PCIF1: variants seen among roughly 807,000 people sequenced by gnomAD.
PCIF1 encodes phosphorylated CTD interacting factor 1, also known as mRNA (2'-O-methyladenosine-N(6)-)-methyltransferase.
In PCIF1, 12 loss-of-function variants were observed where a neutral mutation model predicts 86.9. The ratio of observed to expected loss-of-function variants is 0.14; its 90% CI spans 0.09 to 0.22. The LOEUF (loss-of-function observed/expected upper bound fraction) is 0.22. Ranked by LOEUF, PCIF1 falls within the 10% of genes least tolerant of loss-of-function variation. PCIF1 has a pLI of 1.00. For synonymous variants in PCIF1, 397 were observed against 372.0 expected (o/e 1.07, Z -0.77); for missense variants, 701 against 951.1 (o/e 0.74, Z 3.46).
chr20:45,941,244 C>T (rs1436899114), intron 7 of PCIF1, 37 bp downstream of exon 7: 2 of 1,558,204 alleles, frequency 1.3e-6, no homozygotes, highest in South Asian at 1.2e-5. Flanking sequence ...TTTATTTCCA[C>T]CCACCTTTAG....
chr20:45,938,077 CAGTT>C (rs757249875), intron 2 of PCIF1: 1 of 152,352 alleles, frequency 6.6e-6, no homozygotes, highest in Non-Finnish European at 1.5e-5. Context: ...AGTTCTATCT[CAGTT>C]AGCTCCCAGT....
intron 13 of PCIF1, 39 bp downstream of exon 13, chr20:45,946,154 G>A (rs2083523875): frequency 6.2e-7 from 1 of 1,614,204 alleles, no homozygotes; most frequent in Non-Finnish European, 8.5e-7. Flanking sequence ...CCCCAGGAGG[G>A]AACAGGGAGG....
At chr20:45,935,819 C>T (rs903349674) in intron 1 of PCIF1, among the ~76,000 whole-genome samples, 2 of 150,322 alleles carry the variant, frequency 1.3e-5, no homozygotes, top group African/African-American at 4.9e-5. Context: ...GCACAGGAGT[C>T]TGATTTTTTT....
rs2083548746 is a variant in PCIF1 at position 45,947,826 on chromosome 20, C to T, written c.*71C>T. 2 of 1,533,802 alleles carry T rather than the reference C, an allele frequency of 1.3e-6. No homozygotes were observed. The highest frequency in any genetic ancestry group is 1.2e-5 in the South Asian group (1 of 83,012). On this transcript the variant is annotated 3_prime_UTR_variant, in exon 17 of 17. Transcript: ENST00000372409. This position sits in a 1 kb window ranked among gnomAD's most constrained non-coding sequence, Gnocchi z 5.4. ...GCTGGGACTCGGGCCCCTGGGGCCT[C>T]AGAGGGACCCCGGCTGCCACTGACA...
intron 4 of PCIF1, 113 bp downstream of exon 4, chr20:45,939,452 A>T (rs1465156722): frequency 4.1e-6 from 6 of 1,460,376 alleles, no homozygotes; most frequent in Non-Finnish European, 5.6e-6. Context: ...GCACCTGCAG[A>T]TACAATGACA....
Position 45,943,382 on chromosome 20 carries a change from C to T in PCIF1, c.864C>T (p.Leu288=), listed in dbSNP as rs781470289. 8 of 1,614,100 alleles carry T rather than the reference C, an allele frequency of 5.0e-6. No individual in the cohort carries two copies. Among genetic ancestry groups the T allele is most frequent in the Middle Eastern group, 1.7e-4 (1 of 6,044 alleles). The change falls in exon 9 of 17, where the codon CTC becomes CTT. Residue 288 remains leucine, a synonymous_variant. Coordinates refer to ENST00000372409, the MANE Select transcript of PCIF1 (RefSeq NM_022104.4). The surrounding 1 kb of genome is among the most constrained non-coding windows in gnomAD (Gnocchi z 5.5). ...TCCGGGAGGAAGCCAAGCGCCTGCT[C>T]TTTAAATATGCGGAGGCCGCCAGGC... ...IKFREEAKRL[L]FKYAEAARRL... is the part of the protein sequence containing the mutation.
chr20:45,947,934 T>C lies in PCIF1; in HGVS notation c.*179T>C. The C allele has an allele frequency of 6.5e-7, 1 of 1,533,290 alleles. No homozygotes were observed. The highest frequency in any genetic ancestry group is 8.7e-7 in the Non-Finnish European group (1 of 1,146,036). 95.0% of individuals were successfully genotyped at this position (1,533,290 alleles called of 1,614,324 possible). A position where few individuals can be genotyped will look rare whatever the true frequency, so the allele number is the denominator to read the frequency against. On this transcript the variant is annotated 3_prime_UTR_variant, in exon 17 of 17. Coordinates refer to ENST00000372409, the MANE Select transcript of PCIF1 (RefSeq NM_022104.4). The surrounding 1 kb of genome is among the most constrained non-coding windows in gnomAD (Gnocchi z 5.4). ...TCAAACTCCCTCCAAGTCCCATGTATATAGGTCCTGATGCCTTCCCAACCC... is the reference window on the plus strand; with the variant it reads ...TCAAACTCCCTCCAAGTCCCATGTACATAGGTCCTGATGCCTTCCCAACCC...
At chr20:45,946,900 CTCAT>C (rs1293040205) in intron 14 of PCIF1, among the ~76,000 whole-genome samples, 169 bp from the exon 15 acceptor site, 2 of 152,276 alleles carry the variant, frequency 1.3e-5, no homozygotes, top group East Asian at 3.9e-4. Context: ...ACTCACTGTC[CTCAT>C]TCATTCAGTG....
Position 45,940,551 on chromosome 20 carries a change from A to C in PCIF1, c.326A>C (p.Lys109Thr). ...SLVETPPAEN[K>T]PRKRQLSEEQ... is the part of the protein sequence containing the mutation. Reference sequence around the variant, plus strand: ...GTGGAAACTCCCCCGGCTGAGAACAAGCCCAGAAAGCGGCAGCTCTCGGAA... The same window carrying C: ...GTGGAAACTCCCCCGGCTGAGAACACGCCCAGAAAGCGGCAGCTCTCGGAA... Residue 109 changes from lysine to threonine, a missense_variant, in exon 5 of 17, where the codon AAG becomes ACG. Lys to Thr is a moderately conservative substitution (Grantham distance 78). Transcript: ENST00000372409. The C allele has an allele frequency of 1.9e-6, 3 of 1,609,108 alleles. No individual in the cohort carries two copies. The highest frequency in any genetic ancestry group is 2.5e-6 in the Non-Finnish European group (3 of 1,177,596).
intron 10 of PCIF1, among the ~76,000 whole-genome samples, chr20:45,944,316 C>A (rs1460314134): frequency 6.6e-6 from 1 of 152,142 alleles, no homozygotes; most frequent in Non-Finnish European, 1.5e-5. Flanking sequence ...TAGAGAGTGA[C>A]AAAGGTAGGT....
At chr20:45,935,059 G>C (rs562026403) in intron 1 of PCIF1, among the ~76,000 whole-genome samples, 1 of 151,934 alleles carries the variant, frequency 6.6e-6, no homozygotes, top group South Asian at 2.1e-4. Context: ...CCTTTGTGTC[G>C]GGCTCCGACT....
chr20:45,935,030 G>C (rs908475951), intron 1 of PCIF1, among the ~76,000 whole-genome samples: 15 of 151,916 alleles, frequency 9.9e-5, no homozygotes, highest in Non-Finnish European at 1.8e-4. Context: ...GGGCCCCTCC[G>C]CTGCTGCCGC....
chr20:45,939,015 CACG>C lies in PCIF1; in HGVS notation c.17_19del (p.His6_Gly7delinsArg). 1.2e-6 allele frequency: 2 copies of C among 1,613,970 alleles called. No homozygotes were observed. Among genetic ancestry groups the C allele is most frequent in the Non-Finnish European group, 1.7e-6 (2 of 1,179,970 alleles). On this transcript the variant is annotated inframe_deletion, in exon 3 of 17. Transcript: ENST00000372409. ...GGGTGTGGAGATGGCCAATGAGAATCACGGCAGCCCCCGGGAGGAAGCGTCCCT... is the reference window on the plus strand; with the variant it reads ...GGGTGTGGAGATGGCCAATGAGAATCGCAGCCCCCGGGAGGAAGCGTCCCT...
At chr20:45,935,056 G>A (rs1399630083) in intron 1 of PCIF1, among the ~76,000 whole-genome samples, 2 of 151,886 alleles carry the variant, frequency 1.3e-5, no homozygotes, top group African/African-American at 2.4e-5. Context: ...CCGCCTTTGT[G>A]TCGGGCTCCG....
intron 2 of PCIF1, among the ~76,000 whole-genome samples, chr20:45,938,222 C>G (rs137887001): frequency 0.013 from 1,973 of 152,254 alleles, 23 homozygotes; most frequent in South Asian, 0.046. Flanking sequence ...AAATATTCAC[C>G]TGGGGATTAT....
At chr20:45,940,376 A>G in intron 4 of PCIF1, 99 bp from the exon 5 acceptor site, 1 of 1,383,404 alleles carries the variant, frequency 7.2e-7, no homozygotes, top group Middle Eastern at 2.0e-4. Flanking sequence ...GCTCTTCCCT[A>G]AGGAGTAGGA....
chr20:45,941,620 A>G (rs1001720701), intron 7 of PCIF1, among the ~76,000 whole-genome samples: 3 of 151,800 alleles, frequency 2.0e-5, no homozygotes, highest in Admixed American at 1.3e-4. Context: ...CACCATGCCC[A>G]GCTCATTTTT....
At position 45,934,713 on chromosome 20, in the gene PCIF1, G is replaced by A. The variant is rs1433597933; in HGVS notation, c.-279G>A. The A allele has an allele frequency of 2.5e-6, 1 of 398,856 alleles. No individual in the cohort carries two copies. The highest frequency in any genetic ancestry group is 3.6e-5 in the East Asian group (1 of 28,064). The allele number at this position is 398,856 out of a possible 1,614,324, so 24.7% of individuals were successfully genotyped here. A position where few individuals can be genotyped will look rare whatever the true frequency, so the allele number is the denominator to read the frequency against. On this transcript the variant is annotated 5_prime_UTR_variant, in exon 1 of 17. Transcript: ENST00000372409. The stretch of plus-strand genomic sequence containing the variant: ...GTCCCGGCCCGGGACACAAGATGGC[G>A]GCAGCGGCGCTGGGGAGGGCGAGGC...
rs1023073124 is a variant in PCIF1 at position 45,934,776 on chromosome 20, C to T, written c.-216C>T. ...ACGGGCGGTCGAGCAGAACGTGTAG[C>T]CGCGTCCCCTCCAGTCCGCTCCGGG... On this transcript the variant is annotated 5_prime_UTR_variant, in exon 1 of 17. Transcript: ENST00000372409. 2.5e-4 allele frequency: 101 copies of T among 398,476 alleles called. No individual in the cohort carries two copies. Among genetic ancestry groups the T allele is most frequent in the Middle Eastern group, 1.9e-3 (3 of 1,588 alleles). 24.7% of individuals were successfully genotyped at this position (398,476 alleles called of 1,614,324 possible).
Sources: gnomAD v4.1 joint callset for allele counts (sites outside exome capture counted in the v4.1 genomes callset) on GRCh38, gnomAD v4.1.1 for gene constraint, Gnocchi (gnomAD v3.1) non-coding constraint, MANE v1.5 for transcripts, NCBI Gene and HGNC (gene_info 2026-07-23, HGNC 2026-07-21) for gene names.